Variants in CAPSL observed in about 807,000 individuals in gnomAD.
CAPSL encodes the protein calcyphosine like, also known as calcyphosin-like protein.
Under a neutral mutation model 21.3 loss-of-function variants are expected in CAPSL, and 17 were observed. That is an observed-to-expected ratio of 0.80 (90% confidence interval 0.55 to 1.20). CAPSL has a LOEUF of 1.20. CAPSL is among the 50% of genes most tolerant of loss of function. CAPSL has a pLI of 0.00. For missense variants in CAPSL, 289 were observed against 259.3 expected, an observed-to-expected ratio of 1.11 and a Z score of -0.79; for synonymous variants, 102 against 89.3, an observed-to-expected ratio of 1.14 and a Z score of -0.80.
rs559327337 is a variant in CAPSL, at chr5:35,909,368, C to T, written c.525+498G>A. The stretch of plus-strand genomic sequence containing the variant: ...TTTACCAAAAACTACCTTTAAATGG[C>T]ATTTCCACATAGCAAAGTGTGAAGA... On this transcript the variant is annotated intron_variant, in intron 4 of 4. Coordinates refer to ENST00000651391, the MANE Select transcript of CAPSL (RefSeq NM_001042625.2). Among the ~76,000 whole-genome samples the T allele has an allele frequency of 4.6e-5, 7 of 152,238 alleles. No individual in the cohort carries two copies. The East Asian group carries it at 1.2e-3, about 25-fold the overall frequency.
At chr5:35,912,919 G>C (rs571849724) in intron 2 of CAPSL, among the ~76,000 whole-genome samples, 1 of 152,238 alleles carries the variant, frequency 6.6e-6, no homozygotes, top group Non-Finnish European at 1.5e-5. Flanking sequence ...TGAGCTAAAG[G>C]AGGAAGTTTG....
Position 35,904,354 on chromosome 5 carries a change from G to T in CAPSL, c.*191C>A, listed in dbSNP as rs1032780381. The T allele has an allele frequency of 1.7e-6, 1 of 599,698 alleles. No homozygotes were observed. The allele number at this position is 599,698 out of a possible 1,614,324, so 37.1% of individuals were successfully genotyped here. A position where few individuals can be genotyped will look rare whatever the true frequency, so the allele number is the denominator to read the frequency against. ...GAACAAAGGAAACAGTCTTAGGCAA[G>T]GCAAACTCACAGTTGGCTACTCAAT... is the stretch of plus-strand genomic sequence containing the variant. On this transcript the variant is annotated 3_prime_UTR_variant, in exon 5 of 5. Transcript: ENST00000651391.
intron 1 of CAPSL, among the ~76,000 whole-genome samples, chr5:35,925,494 G>A (rs2149929001): frequency 6.6e-6 from 1 of 152,258 alleles, no homozygotes; most frequent in African/African-American, 2.4e-5. Flanking sequence ...AGAGGTATGG[G>A]TGGCAGGGGG....
At chr5:35,913,184 G>A (rs972346960) in intron 2 of CAPSL, among the ~76,000 whole-genome samples, 5 of 152,284 alleles carry the variant, frequency 3.3e-5, no homozygotes, top group South Asian at 2.1e-4. Context: ...AATGAACAAC[G>A]CCTCCAAGAA....
At chr5:35,910,219 A>C in intron 3 of CAPSL, 144 bp from the exon 4 acceptor site, 9 of 1,105,614 alleles carry the variant, frequency 8.1e-6, no homozygotes, top group Non-Finnish European at 1.2e-5. Context: ...CAATTGCTCC[A>C]AAAATTCCTA....
chr5:35,909,953 T>A lies in CAPSL; in HGVS notation c.438A>T (p.Pro146=), dbSNP rs764774788. ...LREVYNAKHH[P]KYQNGEWSEE... ...CACTCCATTCCCCATTCTGGTACTT[T>A]GGGTGGTGTTTTGCATTATATACTT... The change falls in exon 4 of 5, where the codon CCA becomes CCT. Residue 146 remains proline (P), a synonymous_variant. Coordinates refer to ENST00000651391, the MANE Select transcript of CAPSL (RefSeq NM_001042625.2). The A allele has an allele frequency of 3.7e-6, 6 of 1,613,838 alleles. No individual in the cohort carries two copies. Among genetic ancestry groups the A allele is most frequent in the Admixed American group, 1.7e-5 (1 of 59,994 alleles).
intron 1 of CAPSL, among the ~76,000 whole-genome samples, chr5:35,921,660 C>A (rs1561440859): frequency 6.6e-6 from 1 of 152,144 alleles, no homozygotes; most frequent in Non-Finnish European, 1.5e-5. Flanking sequence ...AGGATGGGTG[C>A]AGTGAAGTGC....
At chr5:35,922,876 C>T (rs115623926) in intron 1 of CAPSL, among the ~76,000 whole-genome samples, 2,520 of 152,276 alleles carry the variant, frequency 0.017, 61 homozygotes, top group African/African-American at 0.048. Context: ...ACAAGACCAC[C>T]AATTCACTCA....
rs1187941142 is a variant in CAPSL at position 35,904,397 on chromosome 5, G to GT, written c.*147dup. The GT allele has an allele frequency of 6.2e-6, 4 of 646,610 alleles. No individual in the cohort carries two copies. Among genetic ancestry groups the GT allele is most frequent in the Non-Finnish European group, 1.1e-5 (4 of 368,220 alleles). 40.1% of individuals were successfully genotyped at this position (646,610 alleles called of 1,614,324 possible). ...TACTCAATGTCTTTTATTTCTGCCT[G>GT]TTTTTTGGCCCCAGAAAATGCAATA... On this transcript the variant is annotated 3_prime_UTR_variant, in exon 5 of 5. Coordinates refer to ENST00000651391, the MANE Select transcript of CAPSL (RefSeq NM_001042625.2).
At chr5:35,905,148 C>T (rs1760648067) in intron 4 of CAPSL, among the ~76,000 whole-genome samples, 1 of 152,132 alleles carries the variant, frequency 6.6e-6, no homozygotes, top group Admixed American at 6.5e-5. Context: ...ATAAATAACT[C>T]ATTCAAGGCC....
At chr5:35,919,792 G>A (rs1385434671) in intron 2 of CAPSL, among the ~76,000 whole-genome samples, 3 of 152,186 alleles carry the variant, frequency 2.0e-5, no homozygotes, top group Admixed American at 1.3e-4. Flanking sequence ...AAAAGGCTTA[G>A]GATGGAACGG....
intron 4 of CAPSL, among the ~76,000 whole-genome samples, chr5:35,908,451 G>C (rs1738096225): frequency 6.6e-6 from 1 of 152,196 alleles, no homozygotes. Flanking sequence ...GTGATGTGCA[G>C]ACTTGAATCA....
intron 1 of CAPSL, among the ~76,000 whole-genome samples, chr5:35,930,319 T>C (rs1246617186): frequency 2.0e-5 from 3 of 152,238 alleles, no homozygotes; most frequent in South Asian, 2.1e-4. Flanking sequence ...CTTCTTTCTA[T>C]TGAGCTTTGA....
rs183500286 is a variant in CAPSL, at chr5:35,920,789, G to A, written c.137+195C>T. Among the ~76,000 whole-genome samples the A allele has an allele frequency of 2.7e-3, 409 of 152,224 alleles. 2 individuals carry two copies. Among genetic ancestry groups the A allele is most frequent in the Admixed American group, 6.3e-3 (96 of 15,302 alleles). ...TCTTGTAGCAGATATGAGTCTTGCC[G>A]AATCTGGGACTAAGATCCAAAAACT... On this transcript the variant is annotated intron_variant, in intron 2 of 4. Coordinates refer to ENST00000651391, the MANE Select transcript of CAPSL (RefSeq NM_001042625.2).
chr5:35,912,862 T>A (rs1232180444), intron 2 of CAPSL, among the ~76,000 whole-genome samples: 2 of 152,182 alleles, frequency 1.3e-5, no homozygotes, highest in Non-Finnish European at 2.9e-5. Context: ...TGGATGGAGA[T>A]GACTTTAACA....
At chr5:35,928,289 C>T (rs2149931115) in intron 1 of CAPSL, among the ~76,000 whole-genome samples, 1 of 152,326 alleles carries the variant, frequency 6.6e-6, no homozygotes, top group Middle Eastern at 3.4e-3. Context: ...ATTGTGGATT[C>T]AGTTTCAACA....
rs950095165 is a variant in CAPSL at position 35,904,473 on chromosome 5, T to A, written c.*72A>T. On this transcript the variant is annotated 3_prime_UTR_variant, in exon 5 of 5. Transcript: ENST00000651391. ...ATGAGTGTGAAATCAAATACGATTC[T>A]GGTTTTTGAGCTGACATTTAGTCAT... 8 of 1,102,776 alleles carry A rather than the reference T, an allele frequency of 7.3e-6. No homozygotes were observed. In the African/African-American group the frequency reaches 1.3e-4, roughly 17 times the overall value. The allele number at this position is 1,102,776 out of a possible 1,614,324, so 68.3% of individuals were successfully genotyped here. A position where few individuals can be genotyped will look rare whatever the true frequency, so the allele number is the denominator to read the frequency against.
In CAPSL at chr5:35,937,075, G is replaced by A. The variant is rs138788801; in HGVS notation, c.-1+1466C>T. Among the ~76,000 whole-genome samples the A allele has an allele frequency of 9.9e-5, 15 of 152,180 alleles. No homozygotes were observed. In the East Asian group the frequency reaches 1.7e-3, roughly 18 times the overall value. On this transcript the variant is annotated intron_variant, in intron 1 of 4. Transcript: ENST00000651391. ...GAGTTTCACTACCTTGACACATCCCGCATTTCCATTCCCTCATCTCCATTG... is the reference window on the plus strand; with the variant it reads ...GAGTTTCACTACCTTGACACATCCCACATTTCCATTCCCTCATCTCCATTG...
At chr5:35,930,323 G>A (rs2149932487) in intron 1 of CAPSL, among the ~76,000 whole-genome samples, 1 of 152,240 alleles carries the variant, frequency 6.6e-6, no homozygotes, top group South Asian at 2.1e-4. Context: ...TTTCTATTGA[G>A]CTTTGAGATG....
Sources: allele counts gnomAD v4.1 joint callset (sites outside exome capture counted in the v4.1 genomes callset), GRCh38; gene constraint gnomAD v4.1.1; transcripts MANE v1.5; gene names NCBI Gene and HGNC (gene_info 2026-07-23, HGNC 2026-07-21).